ZFYVE9: variants seen among roughly 807,000 people sequenced by gnomAD.
ZFYVE9 encodes zinc finger FYVE domain-containing protein 9.
Under a neutral mutation model 126.7 loss-of-function variants are expected in ZFYVE9, and 43 were observed. That is an observed-to-expected ratio of 0.34 (90% CI 0.27 to 0.44). ZFYVE9 has a LOEUF of 0.44. ZFYVE9 is among the 20% of genes least tolerant of loss of function. ZFYVE9 has a pLI of 1.00. For synonymous variants in ZFYVE9, 521 were observed against 597.4 expected, an observed-to-expected ratio of 0.87 and a Z score of 1.87; for missense variants, 1,476 against 1,697.0, an observed-to-expected ratio of 0.87 and a Z score of 2.29.
chr1:52,287,898 TTTTTA>T (rs1453642877), intron 10 of ZFYVE9, among the ~76,000 whole-genome samples: 1 of 152,010 alleles, frequency 6.6e-6, no homozygotes, highest in African/African-American at 2.4e-5. Context: ...ATGGTTCATG[TTTTTA>T]TTTTATTTTT....
chr1:52,225,382 A>C (rs1645160891), intron 2 of ZFYVE9, among the ~76,000 whole-genome samples: 1 of 152,242 alleles, frequency 6.6e-6, no homozygotes, highest in African/African-American at 2.4e-5. Flanking sequence ...GTTGGAAACA[A>C]GTGCTCAGTG....
intron 13 of ZFYVE9, among the ~76,000 whole-genome samples, chr1:52,327,988 A>G (rs1369701522): frequency 6.6e-6 from 1 of 152,096 alleles, no homozygotes; most frequent in East Asian, 1.9e-4. Context: ...AGAAAAAAAA[A>G]AAAACCCAAA....
At chr1:52,219,802 T>TGTGTGG (rs1446154879) in intron 2 of ZFYVE9, among the ~76,000 whole-genome samples, 1 of 131,146 alleles carries the variant, frequency 7.6e-6, no homozygotes, top group Admixed American at 7.7e-5. Flanking sequence ...TGTGTGTGTG[T>TGTGTGG]GGCAGAGTCT....
At chr1:52,231,534 C>T (rs1436232266) in intron 2 of ZFYVE9, among the ~76,000 whole-genome samples, 4 of 151,886 alleles carry the variant, frequency 2.6e-5, no homozygotes, top group African/African-American at 7.3e-5. Flanking sequence ...AAATAATTCA[C>T]AGATTATGTA....
Position 52,239,140 on chromosome 1 carries a change from C to G in ZFYVE9, c.1723C>G (p.Pro575Ala). ...VVASLPSISV[P>A]FGGARPKQPS... ...AGCAAGCCTGCCATCTATCAGTGTTCCTTTTGGTGGTGCAAGACCCAAGCA... is the reference window on the plus strand; with the variant it reads ...AGCAAGCCTGCCATCTATCAGTGTTGCTTTTGGTGGTGCAAGACCCAAGCA... Residue 575 changes from proline (P) to alanine (A), a missense_variant, in exon 4 of 19, where the codon CCT becomes GCT. This residue lies in a region of ZFYVE9 where 807 missense variants were observed against 794.6 expected (regional missense o/e 1.02). Transcript: ENST00000287727. 6.2e-7 allele frequency: 1 copy of G among 1,614,072 alleles called. No homozygotes were observed. Among genetic ancestry groups the G allele is most frequent in the Non-Finnish European group, 8.5e-7 (1 of 1,179,988 alleles).
In ZFYVE9 at chr1:52,336,359, G is replaced by GTTTTTTT. The variant is rs772004330; in HGVS notation, c.3671-1411_3671-1405dup. ...AACAAATTGTTATGAAATCTAAGAG[G>GTTTTTTT]TTTTTTTTGTTTTTTTTTTTTTTTT... On this transcript the variant is annotated intron_variant, in intron 15 of 18. Coordinates refer to ENST00000287727, the MANE Select transcript of ZFYVE9 (RefSeq NM_004799.4). 5.3e-5 allele frequency among the ~76,000 whole-genome samples: 5 copies of GTTTTTTT among 95,014 alleles called. 1 individual carries two copies. Among genetic ancestry groups the GTTTTTTT allele is most frequent in the Non-Finnish European group, 1.1e-4 (5 of 47,088 alleles). The allele number at this position is 95,014 out of a possible 152,430, so 62.3% of individuals were successfully genotyped here. A position where few individuals can be genotyped will look rare whatever the true frequency, so the allele number is the denominator to read the frequency against.
At chr1:52,274,222 G>T (rs755738286) in intron 7 of ZFYVE9, among the ~76,000 whole-genome samples, 2 of 152,102 alleles carry the variant, frequency 1.3e-5, no homozygotes, top group Non-Finnish European at 2.9e-5. Flanking sequence ...GGCCTCTTCT[G>T]TCATTACCAT....
chr1:52,265,074 G>T (rs530430835), intron 5 of ZFYVE9, among the ~76,000 whole-genome samples: 1 of 152,066 alleles, frequency 6.6e-6, no homozygotes, highest in African/African-American at 2.4e-5. Flanking sequence ...TTTTAACTTG[G>T]CATAGCTAAA....
chr1:52,180,798 A>T (rs1158207794), intron 1 of ZFYVE9, among the ~76,000 whole-genome samples: 4 of 151,832 alleles, frequency 2.6e-5, no homozygotes, highest in Non-Finnish European at 4.4e-5. Context: ...CAACATGGAG[A>T]AACCCTGTCT....
intron 1 of ZFYVE9, among the ~76,000 whole-genome samples, chr1:52,148,503 C>T (rs1644324964): frequency 6.6e-6 from 1 of 151,900 alleles, no homozygotes; most frequent in Non-Finnish European, 1.5e-5. Context: ...ACAAAAAAAG[C>T]TGTAAACTTT....
chr1:52,327,273 G>C (rs1646299938), intron 13 of ZFYVE9, among the ~76,000 whole-genome samples: 1 of 152,138 alleles, frequency 6.6e-6, no homozygotes, highest in Non-Finnish European at 1.5e-5. Flanking sequence ...TTCAAAGAAG[G>C]TAATGGTCAC....
In ZFYVE9 at chr1:52,315,349, G is replaced by A. The variant is rs1467982043; in HGVS notation, c.3438+11424G>A. On this transcript the variant is annotated intron_variant, in intron 13 of 18. Coordinates refer to ENST00000287727, the MANE Select transcript of ZFYVE9 (RefSeq NM_004799.4). ...AGGCTGAGGCAGGAGGATTGCTTGA[G>A]CCCAGTGATTGGAGGTTGCAGTGAA... is the stretch of plus-strand genomic sequence containing the variant. Among the ~76,000 whole-genome samples, 2 of 151,958 alleles carry A rather than the reference G, an allele frequency of 1.3e-5. 1 individual carries two copies. The highest frequency in any genetic ancestry group is 3.9e-4 in the East Asian group (2 of 5,176).
intron 1 of ZFYVE9, among the ~76,000 whole-genome samples, chr1:52,147,166 T>C (rs1426934345): frequency 6.6e-6 from 1 of 152,378 alleles, no homozygotes; most frequent in East Asian, 1.9e-4. Context: ...CAAATGCTTC[T>C]GGTTCCAAGT....
chr1:52,180,012 G>A, intron 1 of ZFYVE9: 1 of 876,526 alleles, frequency 1.1e-6, no homozygotes, highest in East Asian at 2.4e-5. Context: ...GGAGGATCGT[G>A]AAGACAAGTT....
At chr1:52,228,920 T>C (rs1645193462) in intron 2 of ZFYVE9, among the ~76,000 whole-genome samples, 1 of 151,988 alleles carries the variant, frequency 6.6e-6, no homozygotes, top group Admixed American at 6.6e-5. Flanking sequence ...GACGAGGTCT[T>C]GCTCTGTCAC....
intron 4 of ZFYVE9, among the ~76,000 whole-genome samples, chr1:52,240,675 A>G (rs1645324487): frequency 6.6e-6 from 1 of 152,198 alleles, no homozygotes; most frequent in Non-Finnish European, 1.5e-5. Flanking sequence ...ATGTCAGAAG[A>G]TAGTATCTCA....
chr1:52,326,033 T>A (rs1646288279), intron 13 of ZFYVE9, among the ~76,000 whole-genome samples: 1 of 152,240 alleles, frequency 6.6e-6, no homozygotes, highest in Non-Finnish European at 1.5e-5. Flanking sequence ...TCGTGCTGTT[T>A]CACTTGATGT....
intron 1 of ZFYVE9, chr1:52,190,115 C>T (rs772284604): frequency 1.5e-4 from 27 of 176,944 alleles, no homozygotes; most frequent in African/African-American, 2.6e-4. Flanking sequence ...AAAGTGCAAA[C>T]GGTAGCCAGT....
intron 13 of ZFYVE9, among the ~76,000 whole-genome samples, chr1:52,310,090 G>T (rs1283361340): frequency 6.6e-6 from 1 of 151,858 alleles, no homozygotes; most frequent in East Asian, 1.9e-4. Flanking sequence ...TCCCACCTCA[G>T]CCTCCTGAGT....
Sources: gnomAD v4.1 joint callset for allele counts (sites outside exome capture counted in the v4.1 genomes callset) on GRCh38, gnomAD v4.1.1 for gene constraint, gnomAD v4.1.1 regional missense constraint, MANE v1.5 for transcripts, NCBI Gene and HGNC (gene_info 2026-07-23, HGNC 2026-07-21) for gene names.